The following KHDRBS2 variants were observed in gnomAD, a reference collection of about 807,000 sequenced individuals.
KHDRBS2 encodes the protein KH RNA binding domain containing, signal transduction associated 2.
A neutral mutation model predicts 44.3 loss-of-function variants in KHDRBS2; 26 were observed. That is an observed-to-expected ratio of 0.59 (90% CI 0.43 to 0.81). KHDRBS2 has a LOEUF of 0.81. KHDRBS2 is among the 40% of genes least tolerant of loss of function. The pLI is 0.00. For synonymous variants in KHDRBS2, 194 were observed against 151.1 expected (o/e 1.28, Z -2.08); for missense variants, 476 against 433.1 (o/e 1.10, Z -0.88).
intron 2 of KHDRBS2, among the ~76,000 whole-genome samples, chr6:62,160,031 T>C (rs1276629575): frequency 6.6e-6 from 1 of 152,096 alleles, no homozygotes; most frequent in African/African-American, 2.4e-5. Context: ...CATAAAGTAT[T>C]TATTGAGCAC....
intron 7 of KHDRBS2, among the ~76,000 whole-genome samples, chr6:61,732,035 C>G (rs1774536930): frequency 6.6e-6 from 1 of 151,948 alleles, no homozygotes. Flanking sequence ...GGTGAAAATG[C>G]TCTATATCTT....
At chr6:62,098,931 A>C (rs1475326149) in intron 2 of KHDRBS2, among the ~76,000 whole-genome samples, 1 of 128,202 alleles carries the variant, frequency 7.8e-6, no homozygotes, top group Non-Finnish European at 1.7e-5. Context: ...GCTCTCTATT[A>C]TATTTTTTAT....
chr6:62,026,412 T>TTTTA (rs1351960166), intron 3 of KHDRBS2, among the ~76,000 whole-genome samples: 3 of 138,266 alleles, frequency 2.2e-5, no homozygotes, highest in African/African-American at 7.4e-5. Flanking sequence ...AATTATTTTA[T>TTTTA]TTTATTTATT....
At chr6:61,748,645 T>A (rs1459949267) in intron 6 of KHDRBS2, among the ~76,000 whole-genome samples, 2 of 152,248 alleles carry the variant, frequency 1.3e-5, no homozygotes, top group African/African-American at 4.8e-5. Context: ...CAGTTTGCCA[T>A]ACAGAGACCA....
At chr6:62,095,638 C>CT (rs1367748946) in intron 2 of KHDRBS2, among the ~76,000 whole-genome samples, 1 of 151,824 alleles carries the variant, frequency 6.6e-6, no homozygotes, top group African/African-American at 2.4e-5. Flanking sequence ...GGACATATAA[C>CT]TGTATATGAT....
intron 6 of KHDRBS2, among the ~76,000 whole-genome samples, chr6:61,849,280 T>G (rs957846283): frequency 9.2e-5 from 14 of 152,098 alleles, no homozygotes; most frequent in African/African-American, 2.9e-4. Flanking sequence ...AATTAATTAG[T>G]TAAATAGAAT....
chr6:61,828,850 T>C (rs1791343041), intron 6 of KHDRBS2, among the ~76,000 whole-genome samples: 1 of 152,262 alleles, frequency 6.6e-6, no homozygotes, highest in South Asian at 2.1e-4. Flanking sequence ...TTTATCTTTG[T>C]ATACATGACA....
intron 2 of KHDRBS2, among the ~76,000 whole-genome samples, chr6:62,164,419 C>A (rs916697233): frequency 6.6e-6 from 1 of 151,842 alleles, no homozygotes; most frequent in African/African-American, 2.4e-5. Flanking sequence ...AATTTTTCTA[C>A]ATTAATTGCT....
At chr6:61,758,383 T>C (rs1301867223) in intron 6 of KHDRBS2, among the ~76,000 whole-genome samples, 1 of 151,990 alleles carries the variant, frequency 6.6e-6, no homozygotes, top group Non-Finnish European at 1.5e-5. Context: ...CTTGTAAGTA[T>C]AGCTTTGTAT....
chr6:62,020,734 C>G (rs1182860121), intron 3 of KHDRBS2, among the ~76,000 whole-genome samples: 1 of 151,980 alleles, frequency 6.6e-6, no homozygotes, highest in Non-Finnish European at 1.5e-5. Flanking sequence ...TCTAAGTTAT[C>G]TGATATAAAT....
At chr6:61,792,611 A>T (rs532271136) in intron 6 of KHDRBS2, among the ~76,000 whole-genome samples, 66 of 151,860 alleles carry the variant, frequency 4.3e-4, no homozygotes, top group Non-Finnish European at 8.6e-4. Context: ...TGAAAATATC[A>T]TTCCTCTCAC....
chr6:62,067,415 C>G (rs766902209), intron 2 of KHDRBS2, among the ~76,000 whole-genome samples: 9 of 151,482 alleles, frequency 5.9e-5, no homozygotes, highest in Non-Finnish European at 1.3e-4. Context: ...TCTGTCCAAA[C>G]TAATTAAGAG....
At chr6:61,853,957 T>C (rs1002540135) in intron 6 of KHDRBS2, among the ~76,000 whole-genome samples, 1 of 152,220 alleles carries the variant, frequency 6.6e-6, no homozygotes, top group Non-Finnish European at 1.5e-5. Flanking sequence ...ATATTTTACA[T>C]TGGCCAGACC....
chr6:61,946,151 A>G (rs1393067687), intron 4 of KHDRBS2, among the ~76,000 whole-genome samples: 6 of 152,212 alleles, frequency 3.9e-5, no homozygotes, highest in Admixed American at 3.3e-4. Flanking sequence ...AGACCAGATA[A>G]TCAATGCCCT....
chr6:62,230,991 G>C (rs931194750), intron 1 of KHDRBS2, among the ~76,000 whole-genome samples: 3 of 152,128 alleles, frequency 2.0e-5, no homozygotes, highest in Admixed American at 1.3e-4. Flanking sequence ...TACTAAGTTT[G>C]AACTTTAAGT....
At chr6:62,101,519 A>G (rs544733519) in intron 2 of KHDRBS2, among the ~76,000 whole-genome samples, 1 of 152,302 alleles carries the variant, frequency 6.6e-6, no homozygotes, top group African/African-American at 2.4e-5. Context: ...GGTTTAGGTC[A>G]CTGCAATAAT....
chr6:62,135,922 T>C (rs537022181), intron 2 of KHDRBS2, among the ~76,000 whole-genome samples: 8 of 152,100 alleles, frequency 5.3e-5, no homozygotes, highest in East Asian at 1.9e-4. Flanking sequence ...ATGGGAAATA[T>C]AGATCAAAGG....
intron 1 of KHDRBS2, among the ~76,000 whole-genome samples, chr6:62,199,344 G>A (rs931117420): frequency 3.9e-5 from 6 of 152,118 alleles, no homozygotes; most frequent in Admixed American, 2.6e-4. Flanking sequence ...AAACCCCCTT[G>A]TCTCAGCCCA....
At chr6:62,215,692 T>C (rs1585242830) in intron 1 of KHDRBS2, among the ~76,000 whole-genome samples, 2 of 152,002 alleles carry the variant, frequency 1.3e-5, no homozygotes, top group African/African-American at 4.8e-5. Flanking sequence ...AAACAATGTT[T>C]TTATAATTTT....
Sources: gnomAD v4.1 joint callset for allele counts (sites outside exome capture counted in the v4.1 genomes callset) on GRCh38, gnomAD v4.1.1 for gene constraint, MANE v1.5 for transcripts, NCBI Gene and HGNC (gene_info 2026-07-23, HGNC 2026-07-21) for gene names.